The following MGAT4C variants were observed in gnomAD, a reference collection of about 807,000 sequenced individuals.
MGAT4C encodes alpha-1,3-mannosyl-glycoprotein 4-beta-N-acetylglucosaminyltransferase C.
MGAT4C carries 19 observed loss-of-function variants against 40.1 expected under a neutral mutation model. The ratio of observed to expected loss-of-function variants is 0.47; its 90% CI spans 0.33 to 0.70. MGAT4C has a LOEUF of 0.70. Ranked by LOEUF, MGAT4C falls within the 30% of genes least tolerant of loss-of-function variation. MGAT4C has a pLI of 0.02. For synonymous variants in MGAT4C, 181 were observed against 187.1 expected (o/e 0.97, Z 0.27); for missense variants, 491 against 563.2 (o/e 0.87, Z 1.30).
chr12:86,631,683 G>A (rs184064191), intron 2 of MGAT4C, among the ~76,000 whole-genome samples: 1 of 152,072 alleles, frequency 6.6e-6, no homozygotes, highest in African/African-American at 2.4e-5. Flanking sequence ...AAATGGTGCT[G>A]GGAAAACTGG....
intron 2 of MGAT4C, among the ~76,000 whole-genome samples, chr12:86,586,903 G>C (rs538543898): frequency 6.6e-6 from 1 of 152,016 alleles, no homozygotes; most frequent in African/African-American, 2.4e-5. Context: ...TTTGTGGGTT[G>C]CCTGTTCACT....
At chr12:86,095,257 A>G (rs1239005039) in intron 1 of MGAT4C, among the ~76,000 whole-genome samples, 1 of 152,140 alleles carries the variant, frequency 6.6e-6, no homozygotes. Flanking sequence ...TCTTGAAAGA[A>G]TGAGGAAAAA....
At chr12:86,644,692 C>T (rs142107534) in intron 2 of MGAT4C, among the ~76,000 whole-genome samples, 66 of 151,202 alleles carry the variant, frequency 4.4e-4, no homozygotes, top group Non-Finnish European at 3.5e-4. Flanking sequence ...AATAGATCAA[C>T]GAATAGATTA....
At chr12:86,401,242 T>C (rs1288409026) in intron 3 of MGAT4C, among the ~76,000 whole-genome samples, 2 of 151,318 alleles carry the variant, frequency 1.3e-5, no homozygotes, top group South Asian at 4.1e-4. Flanking sequence ...ATACTAAAGT[T>C]GTAGATAACA....
intron 2 of MGAT4C, among the ~76,000 whole-genome samples, chr12:85,991,058 G>A (rs772665620): frequency 7.2e-5 from 11 of 152,188 alleles, no homozygotes; most frequent in South Asian, 2.1e-4. Context: ...AGTGGAGGGT[G>A]AGCAAGATGA....
chr12:86,462,988 GAC>G (rs1216791786), intron 2 of MGAT4C, among the ~76,000 whole-genome samples: 3 of 119,270 alleles, frequency 2.5e-5, no homozygotes, highest in East Asian at 5.2e-4. Context: ...CAATCAAGTT[GAC>G]ACTCAATATT....
chr12:86,528,087 C>T (rs1958915344), intron 2 of MGAT4C, among the ~76,000 whole-genome samples: 1 of 152,106 alleles, frequency 6.6e-6, no homozygotes, highest in Non-Finnish European at 1.5e-5. Context: ...TTAAAGATAA[C>T]ATGATCTCAC....
intron 3 of MGAT4C, among the ~76,000 whole-genome samples, chr12:86,374,303 G>C (rs1483960676): frequency 1.3e-5 from 2 of 152,086 alleles, no homozygotes; most frequent in Non-Finnish European, 2.9e-5. Context: ...TTCTGAAAAA[G>C]TATGTTGAAA....
intron 1 of MGAT4C, among the ~76,000 whole-genome samples, chr12:86,187,674 C>A (rs754311918): frequency 4.0e-5 from 6 of 150,820 alleles, no homozygotes; most frequent in Non-Finnish European, 7.4e-5. Flanking sequence ...GGCAAATAAG[C>A]AGAAAAAAAA....
chr12:86,698,728 A>T (rs1319084210), intron 2 of MGAT4C, among the ~76,000 whole-genome samples: 1 of 152,046 alleles, frequency 6.6e-6, no homozygotes, highest in African/African-American at 2.4e-5. Flanking sequence ...GCATAAGTTC[A>T]TTTCAATCAC....
intron 1 of MGAT4C, among the ~76,000 whole-genome samples, chr12:86,076,600 A>T (rs909666289): frequency 1.3e-5 from 2 of 152,192 alleles, no homozygotes; most frequent in African/African-American, 4.8e-5. Flanking sequence ...AGGCCTCATA[A>T]TCATGGCAGG....
At chr12:86,406,443 A>G (rs1448902120) in intron 3 of MGAT4C, among the ~76,000 whole-genome samples, 1 of 152,100 alleles carries the variant, frequency 6.6e-6, no homozygotes, top group Non-Finnish European at 1.5e-5. Flanking sequence ...AGGAAGAGAC[A>G]TTTCACCAAA....
Position 86,200,134 on chromosome 12 carries a change from T to A in MGAT4C, c.-57+56105A>T, listed in dbSNP as rs1351475632. Among the ~76,000 whole-genome samples the A allele has an allele frequency of 3.1e-4, 26 of 84,160 alleles. 1 individual carries two copies. Among genetic ancestry groups the A allele is most frequent in the Admixed American group, 3.0e-3 (18 of 6,092 alleles). The allele number at this position is 84,160 out of a possible 152,430, so 55.2% of individuals were successfully genotyped here. ...CACAAATAGTATGTATTTGTTTTTTTTTTTTTTTTTTTTGATCTGGCTTTT... is the reference window on the plus strand; with the variant it reads ...CACAAATAGTATGTATTTGTTTTTTATTTTTTTTTTTTTGATCTGGCTTTT... On this transcript the variant is annotated intron_variant, in intron 1 of 4. Coordinates refer to ENST00000611864, the MANE Select transcript of MGAT4C (RefSeq NM_001351288.2).
chr12:86,676,349 C>G (rs1193678534), intron 2 of MGAT4C, among the ~76,000 whole-genome samples: 1 of 152,092 alleles, frequency 6.6e-6, no homozygotes, highest in Non-Finnish European at 1.5e-5. Flanking sequence ...TAGCTTTGAG[C>G]GAATTCACAG....
chr12:86,804,213 C>A (rs1488177909), intron 1 of MGAT4C, among the ~76,000 whole-genome samples: 1 of 144,040 alleles, frequency 6.9e-6, no homozygotes, highest in Non-Finnish European at 1.5e-5. Context: ...GGGAATTGAA[C>A]AATGAGATCA....
intron 2 of MGAT4C, among the ~76,000 whole-genome samples, chr12:86,701,982 C>G (rs1342302658): frequency 1.3e-5 from 2 of 152,060 alleles, no homozygotes; most frequent in African/African-American, 4.8e-5. Context: ...AGCAAGTTAT[C>G]CAGAAGATCT....
chr12:86,001,597 G>T (rs1887304879), intron 2 of MGAT4C: 6 of 976,090 alleles, frequency 6.1e-6, no homozygotes, highest in Non-Finnish European at 7.3e-6. Flanking sequence ...GAAGCACAGT[G>T]AGGGCTGAGA....
chr12:86,060,591 C>A (rs1893855431), intron 1 of MGAT4C, among the ~76,000 whole-genome samples: 2 of 151,976 alleles, frequency 1.3e-5, no homozygotes, highest in African/African-American at 4.8e-5. Flanking sequence ...ATTTTATGAA[C>A]CCTCGCATTG....
At chr12:86,341,078 C>T (rs753652486) in intron 3 of MGAT4C, among the ~76,000 whole-genome samples, 1 of 152,166 alleles carries the variant, frequency 6.6e-6, no homozygotes, top group Non-Finnish European at 1.5e-5. Context: ...AATACAACAC[C>T]TTCAATTGAA....
Sources: gnomAD v4.1 joint callset for allele counts (sites outside exome capture counted in the v4.1 genomes callset) on GRCh38, gnomAD v4.1.1 for gene constraint, MANE v1.5 for transcripts, NCBI Gene and HGNC (gene_info 2026-07-23, HGNC 2026-07-21) for gene names.